PDE11A: variants seen among roughly 807,000 people sequenced by gnomAD.
The protein encoded by PDE11A is phosphodiesterase 11A.
A neutral mutation model predicts 100.5 loss-of-function variants in PDE11A; 100 were observed. That is an observed-to-expected ratio of 1.00 (90% CI 0.85 to 1.18). The LOEUF is 1.18. Among genes scored for constraint, PDE11A ranks in the 50% most tolerant of loss-of-function variants. The probability of loss-of-function intolerance (pLI) is 0.00; values close to 1 mark genes in which losing one functional copy is unlikely to be tolerated. For missense variants in PDE11A, 1,141 were observed against 1,152.6 expected, an observed-to-expected ratio of 0.99 and a Z score of 0.15; for synonymous variants, 381 against 420.8, an observed-to-expected ratio of 0.91 and a Z score of 1.16.
chr2:177,953,471 A>G (rs1291409595), intron 2 of PDE11A, among the ~76,000 whole-genome samples: 2 of 152,318 alleles, frequency 1.3e-5, no homozygotes, highest in African/African-American at 4.8e-5. Context: ...GTTTTTAAGA[A>G]AAGTTAATAT....
At position 177,626,329 on chromosome 2, in the gene PDE11A, T is replaced by A. The variant is rs149167198; in HGVS notation, c.*3078A>T. The A allele has an allele frequency of 7.9e-5, 12 of 152,728 alleles. No individual in the cohort carries two copies. Among genetic ancestry groups the A allele is most frequent in the African/African-American group, 2.6e-4 (11 of 41,578 alleles). 9.5% of individuals were successfully genotyped at this position (152,728 alleles called of 1,614,324 possible). ...AAATGTTGCTGTAGATGGACTGGCATCCATTTGTCTGGGCTATTTATTTAT... is the reference window on the plus strand; with the variant it reads ...AAATGTTGCTGTAGATGGACTGGCAACCATTTGTCTGGGCTATTTATTTAT... On this transcript the variant is annotated 3_prime_UTR_variant, in exon 20 of 20. Coordinates refer to ENST00000286063, the MANE Select transcript of PDE11A (RefSeq NM_016953.4).
chr2:178,060,088 T>C (rs2086948111), intron 1 of PDE11A, among the ~76,000 whole-genome samples: 1 of 152,184 alleles, frequency 6.6e-6, no homozygotes, highest in Non-Finnish European at 1.5e-5. Context: ...TCTTCCCTCA[T>C]CTGCTGATGG....
intron 1 of PDE11A, among the ~76,000 whole-genome samples, chr2:178,046,418 T>C (rs1330911520): frequency 6.6e-6 from 1 of 152,186 alleles, no homozygotes; most frequent in Non-Finnish European, 1.5e-5. Flanking sequence ...ATGGAGTAGA[T>C]TGTCTAAGAA....
Position 177,697,383 on chromosome 2 carries a change from ATAAGGTCAC to A in PDE11A, c.2285_2293del (p.Ser762_Leu764del), listed in dbSNP as rs1399057555. 1 of 1,603,406 alleles carries A rather than the reference ATAAGGTCAC, an allele frequency of 6.2e-7. No individual in the cohort carries two copies. Among genetic ancestry groups the A allele is most frequent in the Non-Finnish European group, 8.5e-7 (1 of 1,170,504 alleles). On this transcript the variant is annotated inframe_deletion, in exon 15 of 20. Transcript: ENST00000286063. ...CAATATTGACTGCTTCAAAAGCTGC[ATAAGGTCAC>A]TATATTCCTTGGAGGACAGGTTAGC...
intron 2 of PDE11A, among the ~76,000 whole-genome samples, chr2:177,956,215 A>G (rs979363233): frequency 6.6e-6 from 1 of 152,206 alleles, no homozygotes; most frequent in Non-Finnish European, 1.5e-5. Flanking sequence ...ATTTACAAGA[A>G]AAAAACAAAC....
At chr2:178,027,008 A>T (rs2086487002) in intron 1 of PDE11A, among the ~76,000 whole-genome samples, 1 of 152,198 alleles carries the variant, frequency 6.6e-6, no homozygotes, top group Non-Finnish European at 1.5e-5. Flanking sequence ...AACATGAAAT[A>T]CTATAGTATT....
At position 178,072,661 on chromosome 2, in the gene PDE11A, C is replaced by G; in HGVS notation, c.-224G>C. 6.9e-7 allele frequency: 1 copy of G among 1,448,914 alleles called. No individual in the cohort carries two copies. The highest frequency in any genetic ancestry group is 9.1e-7 in the Non-Finnish European group (1 of 1,103,954). 89.8% of individuals were successfully genotyped at this position (1,448,914 alleles called of 1,614,324 possible). ...CCCCGTGGTCCTGCTACTCCTGCTC[C>G]GCACAGGTGCCCAGCACTGAGCTGC... On this transcript the variant is annotated 5_prime_UTR_variant, in exon 1 of 20. Transcript: ENST00000286063.
At chr2:177,916,583 A>T (rs965643912) in intron 2 of PDE11A, among the ~76,000 whole-genome samples, 2 of 152,174 alleles carry the variant, frequency 1.3e-5, no homozygotes, top group Non-Finnish European at 2.9e-5. Context: ...GTGACCGAAC[A>T]GGCACCAAAG....
intron 4 of PDE11A, among the ~76,000 whole-genome samples, chr2:177,882,378 A>T (rs1378206066): frequency 6.6e-6 from 1 of 152,262 alleles, no homozygotes; most frequent in Non-Finnish European, 1.5e-5. Context: ...GACATTGCAG[A>T]AATTATGACC....
intron 19 of PDE11A, among the ~76,000 whole-genome samples, chr2:177,637,150 G>A (rs936783132): frequency 1.1e-4 from 16 of 152,222 alleles, no homozygotes. Flanking sequence ...AATCTCCACA[G>A]CAGTCCCACG....
At chr2:178,011,747 T>C (rs2086276419) in intron 2 of PDE11A, among the ~76,000 whole-genome samples, 1 of 152,180 alleles carries the variant, frequency 6.6e-6, no homozygotes. Context: ...CCAAGTTCTT[T>C]CCCCGGATTC....
At chr2:178,061,561 G>A (rs1268173688) in intron 1 of PDE11A, among the ~76,000 whole-genome samples, 12 of 152,136 alleles carry the variant, frequency 7.9e-5, no homozygotes, top group Admixed American at 7.9e-4. Context: ...CCCGTGGTAG[G>A]TACTAAGTTA....
At chr2:177,872,275 CCTTT>C (rs1463615035) in intron 5 of PDE11A, among the ~76,000 whole-genome samples, 1 of 152,136 alleles carries the variant, frequency 6.6e-6, no homozygotes, top group African/African-American at 2.4e-5. Context: ...ACATAAAATG[CCTTT>C]CTAACTACTA....
intron 4 of PDE11A, among the ~76,000 whole-genome samples, chr2:177,879,640 A>G (rs566042279): frequency 3.1e-4 from 47 of 152,340 alleles, no homozygotes; most frequent in Admixed American, 1.7e-3. Context: ...CAAATGTGAG[A>G]AATGTCCAGA....
chr2:177,630,253 A>G (rs570510954), intron 19 of PDE11A, among the ~76,000 whole-genome samples: 1 of 152,322 alleles, frequency 6.6e-6, no homozygotes, highest in Admixed American at 6.5e-5. Context: ...AGGCTTCAGC[A>G]TCCTCACTTG....
chr2:177,652,175 C>G (rs2080320894), intron 19 of PDE11A, among the ~76,000 whole-genome samples: 1 of 152,200 alleles, frequency 6.6e-6, no homozygotes, highest in African/African-American at 2.4e-5. Flanking sequence ...TTGGTAGATT[C>G]AGCTGTGCTG....
At chr2:177,965,190 TC>T (rs2085683419) in intron 2 of PDE11A, among the ~76,000 whole-genome samples, 1 of 152,212 alleles carries the variant, frequency 6.6e-6, no homozygotes, top group Admixed American at 6.5e-5. Context: ...TCTGTTCATC[TC>T]CTCTGCTCAT....
chr2:177,955,865 A>G (rs2085555077), intron 2 of PDE11A, among the ~76,000 whole-genome samples: 1 of 152,214 alleles, frequency 6.6e-6, no homozygotes, highest in African/African-American at 2.4e-5. Flanking sequence ...ATATGTAGAA[A>G]GCTGAAACTG....
At chr2:178,091,702 A>G (rs1045661547) in intron 2 of PDE11A, among the ~76,000 whole-genome samples, 1 of 152,104 alleles carries the variant, frequency 6.6e-6, no homozygotes, top group Non-Finnish European at 1.5e-5. Context: ...ACACTACACA[A>G]AGCCACTGTT....
Sources: allele counts gnomAD v4.1 joint callset (sites outside exome capture counted in the v4.1 genomes callset), GRCh38; gene constraint gnomAD v4.1.1; transcripts MANE v1.5; gene names NCBI Gene and HGNC (gene_info 2026-07-23, HGNC 2026-07-21).